Variants in DDHD2 observed in about 807,000 individuals in gnomAD.
The protein encoded by DDHD2 is triacylglycerol hydrolase DDHD2.
Under a neutral mutation model 91.2 loss-of-function variants are expected in DDHD2, and 62 were observed. The observed-to-expected ratio is 0.68, with a 90% confidence interval of 0.55 to 0.84. The LOEUF (loss-of-function observed/expected upper bound fraction) is 0.84. Ranked by LOEUF, DDHD2 falls within the 40% of genes least tolerant of loss-of-function variation. DDHD2 has a pLI of 0.00. For missense variants in DDHD2, 740 were observed against 846.9 expected (o/e 0.87, Z 1.57); for synonymous variants, 271 against 293.9 (o/e 0.92, Z 0.80).
In DDHD2 at chr8:38,237,546, C is replaced by T. The variant is rs939799061; in HGVS notation, c.420C>T (p.Tyr140=). 6.3e-7 allele frequency: 1 copy of T among 1,579,030 alleles called. No homozygotes were observed. The highest frequency in any genetic ancestry group is 8.6e-7 in the Non-Finnish European group (1 of 1,156,102). Residue 140 remains tyrosine, a synonymous_variant, in exon 4 of 18, where the codon TAC becomes TAT. Transcript: ENST00000397166. ...ATGTGTTTTCTTTTAAGGAAACTTA[C>T]ATGCTTGCTGTAACTTTGGATGAAT... ...ESFSQVLEET[Y]MLAVTLDEWK... is the part of the protein sequence containing the mutation.
chr8:38,267,620 A>C (rs1185501700), downstream of DDHD2: 5 of 625,452 alleles, frequency 8.0e-6, no homozygotes, highest in Non-Finnish European at 1.4e-5. Context: ...TAGGGCAAAC[A>C]GCAAATGACA....
At chr8:38,266,208 CAG>C (rs771206382), downstream of DDHD2, 5 of 1,613,708 alleles carry the variant, frequency 3.1e-6, no homozygotes, top group East Asian at 2.2e-5. Context: ...GTAGAGGTGA[CAG>C]AAAGGCACAG....
intron 1 of DDHD2, chr8:38,269,208 G>T: frequency 6.7e-7 from 1 of 1,496,832 alleles, no homozygotes; most frequent in Non-Finnish European, 8.8e-7. Context: ...ATCCGGCCGC[G>T]AGCTCCGAGC....
At chr8:38,243,965 G>A (rs2130802901) in intron 7 of DDHD2, among the ~76,000 whole-genome samples, 1 of 151,966 alleles carries the variant, frequency 6.6e-6, no homozygotes, top group East Asian at 1.9e-4. Flanking sequence ...CACCATGCCT[G>A]GCTAATTTTG....
chr8:38,241,348 A>G (rs979358065), intron 6 of DDHD2, among the ~76,000 whole-genome samples: 1 of 151,826 alleles, frequency 6.6e-6, no homozygotes, highest in Non-Finnish European at 1.5e-5. Flanking sequence ...AAAATGAAAC[A>G]GTTCTCATGA....
intron 3 of DDHD2, among the ~76,000 whole-genome samples, chr8:38,235,873 G>GCACACACACA (rs36055483): frequency 0.014 from 2,027 of 147,762 alleles, 23 homozygotes; most frequent in African/African-American, 0.025. Flanking sequence ...AAGTACACGC[G>GCACACACACA]CACACACACA....
chr8:38,267,847 G>A, intron 1 of DDHD2: 1 of 1,562,286 alleles, frequency 6.4e-7, no homozygotes, highest in Non-Finnish European at 8.8e-7. Flanking sequence ...CTCTGTTCTG[G>A]TGGGTAAGGG....
chr8:38,267,324 C>T (rs374509982), downstream of DDHD2: 48 of 1,613,918 alleles, frequency 3.0e-5, no homozygotes, highest in Non-Finnish European at 3.8e-5. Context: ...TCCTTATCCC[C>T]TGTACACATC....
chr8:38,247,154 A>G (rs1805704047), intron 9 of DDHD2: 1 of 125,620 alleles, frequency 8.0e-6, no homozygotes. Context: ...TTTTTTTGAG[A>G]CAGTCTCTTG....
chr8:38,253,347 T>A, intron 15 of DDHD2: 2 of 727,300 alleles, frequency 2.7e-6, no homozygotes, highest in Non-Finnish European at 4.4e-6. Flanking sequence ...TAATGAGATG[T>A]GTTGCGCAAA....
chr8:38,253,953 A>G (rs1806314611), intron 16 of DDHD2, among the ~76,000 whole-genome samples: 1 of 151,950 alleles, frequency 6.6e-6, no homozygotes, highest in African/African-American at 2.4e-5. Flanking sequence ...GTATGCGCTT[A>G]TAGTCCCAGC....
intron 10 of DDHD2, among the ~76,000 whole-genome samples, chr8:38,249,447 A>G (rs1585741728): frequency 6.8e-6 from 1 of 146,710 alleles, no homozygotes; most frequent in Admixed American, 6.8e-5. Context: ...TAGATACCCA[A>G]CTTCTCTGTT....
intron 11 of DDHD2, chr8:38,251,637 G>A (rs2130845828): frequency 3.4e-6 from 1 of 296,568 alleles, no homozygotes; most frequent in South Asian, 9.8e-5. Flanking sequence ...GTTTTCTGAG[G>A]AAATCTTCCT....
chr8:38,265,356 A>G (rs527270426), downstream of DDHD2, among the ~76,000 whole-genome samples: 3 of 152,170 alleles, frequency 2.0e-5, no homozygotes, highest in South Asian at 4.2e-4. Context: ...CCTGTGGGCA[A>G]TACCTCCAGC....
chr8:38,241,843 C>G (rs1279056950), intron 6 of DDHD2: 1 of 156,642 alleles, frequency 6.4e-6, no homozygotes, highest in Non-Finnish European at 1.4e-5. Context: ...CACCTAAAGT[C>G]AGGAGTTCAG....
intron 16 of DDHD2, among the ~76,000 whole-genome samples, chr8:38,254,797 A>G (rs1007855421): frequency 2.0e-5 from 3 of 152,048 alleles, no homozygotes; most frequent in Non-Finnish European, 2.9e-5. Context: ...CCGAGGAAGG[A>G]GGATTGCTTG....
Position 38,252,820 on chromosome 8 carries a change from C to T in DDHD2, c.1716C>T (p.His572=). Residue 572 remains histidine, a synonymous_variant, in exon 14 of 18, where the codon CAC becomes CAT. Transcript: ENST00000397166. ...IPHHKGRKRM[H]LELREGLTRM... Reference sequence around the variant, plus strand: ...ATCATAAAGGCAGGAAGCGGATGCACTTAGGTAAGTCCGAGCATAGAACTT... The same window carrying T: ...ATCATAAAGGCAGGAAGCGGATGCATTTAGGTAAGTCCGAGCATAGAACTT... The T allele has an allele frequency of 6.2e-7, 1 of 1,613,898 alleles. No individual in the cohort carries two copies. The highest frequency in any genetic ancestry group is 1.3e-5 in the African/African-American group (1 of 75,004).
intron 1 of DDHD2, chr8:38,268,975 G>A (rs367998025): frequency 6.4e-7 from 1 of 1,572,224 alleles, no homozygotes. Context: ...GGAACGGGGG[G>A]AGCAGCTCCG....
intron 6 of DDHD2, among the ~76,000 whole-genome samples, chr8:38,241,669 T>C (rs1006849953): frequency 7.3e-5 from 11 of 151,660 alleles, no homozygotes; most frequent in Admixed American, 1.3e-4. Flanking sequence ...TCCACCTGCC[T>C]TGGCCCCCCA....
Sources: gnomAD v4.1 joint callset for allele counts (sites outside exome capture counted in the v4.1 genomes callset) on GRCh38, gnomAD v4.1.1 for gene constraint, MANE v1.5 for transcripts, NCBI Gene and HGNC (gene_info 2026-07-23, HGNC 2026-07-21) for gene names.